The following INPP5A variants were observed in gnomAD, a reference collection of about 807,000 sequenced individuals.
INPP5A encodes 43 kDa inositol polyphosphate 5-phophatase.
In INPP5A, 14 loss-of-function variants were observed where a neutral mutation model predicts 65.2. That is an observed-to-expected ratio of 0.21 (90% CI 0.14 to 0.34). The LOEUF (loss-of-function observed/expected upper bound fraction) is 0.34. Among genes scored for constraint, INPP5A ranks in the 10% least tolerant of loss-of-function variants. The probability of loss-of-function intolerance (pLI) is 1.00; values close to 1 mark genes in which losing one functional copy is unlikely to be tolerated. For synonymous variants in INPP5A, 207 were observed against 208.3 expected (o/e 0.99, Z 0.05); for missense variants, 431 against 545.6 (o/e 0.79, Z 2.09).
chr10:132,537,884 G>C lies in INPP5A; in HGVS notation c.-213G>C, dbSNP rs542636664. On this transcript the variant is annotated 5_prime_UTR_variant, in exon 1 of 16. Transcript: ENST00000368594. The stretch of plus-strand genomic sequence containing the variant: ...CTGTGAGGCGCGGCGGCGAGCGACG[G>C]GCGCGGGGCCGCGGAGCAGCGAGCG... The C allele has an allele frequency of 0.082, 26,202 of 319,776 alleles. 1,350 individuals carry two copies. The highest frequency in any genetic ancestry group is 0.093 in the Non-Finnish European group (16,400 of 175,522). 19.8% of individuals were successfully genotyped at this position (319,776 alleles called of 1,614,324 possible). A position where few individuals can be genotyped will look rare whatever the true frequency, so the allele number is the denominator to read the frequency against.
chr10:132,619,647 C>A (rs954246151), intron 2 of INPP5A, among the ~76,000 whole-genome samples: 1 of 152,162 alleles, frequency 6.6e-6, no homozygotes, highest in African/African-American at 2.4e-5. Context: ...AGGGCTGCAC[C>A]CCTGCAGCAG....
At chr10:132,756,440 CAT>C (rs1241622215) in intron 11 of INPP5A, among the ~76,000 whole-genome samples, 2 of 150,346 alleles carry the variant, frequency 1.3e-5, no homozygotes, top group South Asian at 2.1e-4. Context: ...AGTCACGTCA[CAT>C]AATGTCGTTT....
chr10:132,738,140 T>G (rs1440416165), intron 9 of INPP5A, among the ~76,000 whole-genome samples: 1 of 152,198 alleles, frequency 6.6e-6, no homozygotes, highest in African/African-American at 2.4e-5. Flanking sequence ...TAATGCACTT[T>G]TCTATATTTT....
intron 9 of INPP5A, among the ~76,000 whole-genome samples, chr10:132,746,059 A>C (rs1846366880): frequency 6.6e-6 from 1 of 152,084 alleles, no homozygotes; most frequent in Non-Finnish European, 1.5e-5. Flanking sequence ...CGTTGCCTGC[A>C]CGTGTGCCCA....
rs1847187172 is a variant in INPP5A at position 132,782,615 on chromosome 10, A to T, written c.*586A>T. The stretch of plus-strand genomic sequence containing the variant: ...TTTTATATATATATAAATATATATA[A>T]ATATATACTTTTTAAAAATAATTTA... On this transcript the variant is annotated 3_prime_UTR_variant, in exon 16 of 16. Transcript: ENST00000368594. The surrounding 1 kb of genome is among the most constrained non-coding windows in gnomAD (Gnocchi z 4.4). 1 of 149,898 alleles carries T rather than the reference A, an allele frequency of 6.7e-6. No homozygotes were observed. Among genetic ancestry groups the T allele is most frequent in the African/African-American group, 2.4e-5 (1 of 40,908 alleles). The allele number at this position is 149,898 out of a possible 1,614,324, so 9.3% of individuals were successfully genotyped here. A position where few individuals can be genotyped will look rare whatever the true frequency, so the allele number is the denominator to read the frequency against.
At chr10:132,641,010 T>C (rs945945) in intron 2 of INPP5A, among the ~76,000 whole-genome samples, 137,570 of 152,254 alleles carry the variant, frequency 0.9, 62,222 homozygotes, top group East Asian at 1. Context: ...ATGTACTCTG[T>C]TCACCCCTCT....
At chr10:132,596,617 A>G (rs1450780034) in intron 1 of INPP5A, among the ~76,000 whole-genome samples, 1 of 151,974 alleles carries the variant, frequency 6.6e-6, no homozygotes, top group African/African-American at 2.4e-5. Context: ...TTTAGTAGAG[A>G]CAGGGTTTCA....
At chr10:132,737,908 C>T (rs1418188602) in intron 9 of INPP5A, among the ~76,000 whole-genome samples, 6 of 152,058 alleles carry the variant, frequency 3.9e-5, no homozygotes, top group African/African-American at 9.7e-5. Flanking sequence ...CATTAGGCTT[C>T]GTATTTAGGG....
At chr10:132,732,733 C>A (rs573747766) in intron 9 of INPP5A, among the ~76,000 whole-genome samples, 32 of 152,306 alleles carry the variant, frequency 2.1e-4, no homozygotes, top group African/African-American at 7.5e-4. Context: ...GGGTCACCTG[C>A]GGCCCCTCAG....
chr10:132,619,422 G>A (rs1407845389), intron 2 of INPP5A, among the ~76,000 whole-genome samples: 1 of 152,210 alleles, frequency 6.6e-6, no homozygotes, highest in African/African-American at 2.4e-5. Flanking sequence ...GGCTTTGCAG[G>A]GTTCAGCCCC....
At chr10:132,630,532 T>C (rs983140005) in intron 2 of INPP5A, among the ~76,000 whole-genome samples, 1 of 140,238 alleles carries the variant, frequency 7.1e-6, no homozygotes, top group African/African-American at 2.7e-5. Context: ...GGAAAGGCTT[T>C]CATGAGGGAA....
At chr10:132,689,025 A>C (rs1845208595) in intron 4 of INPP5A, among the ~76,000 whole-genome samples, 1 of 150,394 alleles carries the variant, frequency 6.6e-6, no homozygotes, top group South Asian at 2.1e-4. Flanking sequence ...GCGTGAGTGC[A>C]TATATGTGTT....
chr10:132,676,413 C>T lies in INPP5A; in HGVS notation c.307-13979C>T, dbSNP rs984735699. ...GGGCCAGGACCTTTCCACCTGTCTCCCTCCACTCCGGGTGAAAGAGGCATG... is the reference window on the plus strand; with the variant it reads ...GGGCCAGGACCTTTCCACCTGTCTCTCTCCACTCCGGGTGAAAGAGGCATG... On this transcript the variant is annotated intron_variant, in intron 4 of 15. Transcript: ENST00000368594. This position sits in a 1 kb window ranked among gnomAD's most constrained non-coding sequence, Gnocchi z 4.0. Among the ~76,000 whole-genome samples the T allele has an allele frequency of 4.6e-5, 7 of 152,172 alleles. No homozygotes were observed. The highest frequency in any genetic ancestry group is 1.7e-4 in the African/African-American group (7 of 41,436).
intron 4 of INPP5A, among the ~76,000 whole-genome samples, chr10:132,668,515 G>A (rs1460528240): frequency 2.6e-5 from 4 of 152,154 alleles, no homozygotes; most frequent in Non-Finnish European, 4.4e-5. Flanking sequence ...AAAGTTAAGT[G>A]ATTGATTTTA....
At chr10:132,772,938 G>A (rs529058596) in intron 12 of INPP5A, among the ~76,000 whole-genome samples, 13 of 151,996 alleles carry the variant, frequency 8.6e-5, no homozygotes, top group Non-Finnish European at 1.9e-4. Context: ...CGGAGGCCAC[G>A]GCAGCCACCT....
intron 1 of INPP5A, among the ~76,000 whole-genome samples, chr10:132,601,386 T>C (rs2071775585): frequency 6.6e-6 from 1 of 152,228 alleles, no homozygotes; most frequent in Admixed American, 6.5e-5. Context: ...GTTAAAAATA[T>C]ATTCTGAATA....
chr10:132,749,643 G>T lies in INPP5A; in HGVS notation c.828+31G>T, dbSNP rs201098272. On this transcript the variant is annotated intron_variant, in intron 10 of 15. Coordinates refer to ENST00000368594, the MANE Select transcript of INPP5A (RefSeq NM_005539.5). ...CGGGGCCTGTGACTGGGCAGGTGAC[G>T]CACGGGGCCTGCGCAGGACTCTGCA... The T allele has an allele frequency of 5.0e-6, 8 of 1,605,920 alleles. No homozygotes were observed. In the Admixed American group the frequency reaches 1.3e-4, roughly 27 times the overall value.
At chr10:132,548,301 C>A (rs922406466) in intron 1 of INPP5A, among the ~76,000 whole-genome samples, 2 of 152,074 alleles carry the variant, frequency 1.3e-5, no homozygotes, top group African/African-American at 4.8e-5. Flanking sequence ...GTGTTTGCGG[C>A]CACATATGCC....
rs992155769 is a variant in INPP5A at position 132,663,060 on chromosome 10, C to A, written c.306+12555C>A. On this transcript the variant is annotated intron_variant, in intron 4 of 15. Transcript: ENST00000368594. The surrounding 1 kb of genome is among the most constrained non-coding windows in gnomAD (Gnocchi z 4.5). ...ATTTAATGGAAAAGGGAAGTACTTC[C>A]ATCAGCAGCTGGCCCCTCGAACGGA... 3.3e-5 allele frequency among the ~76,000 whole-genome samples: 5 copies of A among 152,198 alleles called. No individual in the cohort carries two copies. Among genetic ancestry groups the A allele is most frequent in the African/African-American group, 1.2e-4 (5 of 41,436 alleles).
Sources: gnomAD v4.1 joint callset for allele counts (sites outside exome capture counted in the v4.1 genomes callset) on GRCh38, gnomAD v4.1.1 for gene constraint, Gnocchi (gnomAD v3.1) non-coding constraint, MANE v1.5 for transcripts, NCBI Gene and HGNC (gene_info 2026-07-23, HGNC 2026-07-21) for gene names.